Variants in RPTOR observed in about 807,000 individuals in gnomAD.
The protein encoded by RPTOR is regulatory associated protein of MTOR complex 1, also known as regulatory-associated protein of mTOR.
In RPTOR, 21 loss-of-function variants were observed where a neutral mutation model predicts 169.9. The ratio of observed to expected loss-of-function variants is 0.12; its 90% CI spans 0.09 to 0.18. The LOEUF (loss-of-function observed/expected upper bound fraction) is 0.18. Ranked by LOEUF, RPTOR falls within the 10% of genes least tolerant of loss-of-function variation. The pLI is 1.00. For synonymous variants in RPTOR, 732 were observed against 753.2 expected (o/e 0.97, Z 0.46); for missense variants, 1,133 against 1,855.9 (o/e 0.61, Z 7.16).
rs1274605729 is a variant in RPTOR at position 80,966,309 on chromosome 17, ACG to A, written c.*1980_*1981del. 1 of 231,592 alleles carries A rather than the reference ACG, an allele frequency of 4.3e-6. No homozygotes were observed. The highest frequency in any genetic ancestry group is 2.2e-5 in the African/African-American group (1 of 45,248). 14.3% of individuals were successfully genotyped at this position (231,592 alleles called of 1,614,324 possible). On this transcript the variant is annotated 3_prime_UTR_variant, in exon 34 of 34. Coordinates refer to ENST00000306801, the MANE Select transcript of RPTOR (RefSeq NM_020761.3). ...GAATTGAGACGGACTTTGACAAAAC[ACG>A]AAATGGTAATGTGAAGCTAAGAGCA... is the stretch of plus-strand genomic sequence containing the variant.
intron 1 of RPTOR, among the ~76,000 whole-genome samples, chr17:80,572,413 T>TAA (rs11424634): frequency 7.2e-4 from 109 of 151,064 alleles, no homozygotes; most frequent in African/African-American, 2.4e-3. Context: ...CTTCTTTTTT[T>TAA]TAAAAAAATG....
At chr17:80,617,661 T>G (rs1022647961) in intron 1 of RPTOR, among the ~76,000 whole-genome samples, 1 of 152,224 alleles carries the variant, frequency 6.6e-6, no homozygotes, top group Non-Finnish European at 1.5e-5. Context: ...TTATTTTCAC[T>G]TTTTCTTTTT....
intron 6 of RPTOR, among the ~76,000 whole-genome samples, chr17:80,769,278 G>A (rs149929315): frequency 4.6e-5 from 7 of 152,320 alleles, no homozygotes; most frequent in Non-Finnish European, 1.0e-4. Context: ...TTGGTTTCTC[G>A]TTATTTGTAC....
At chr17:80,561,283 ATATATT>A (rs2084490352) in intron 1 of RPTOR, among the ~76,000 whole-genome samples, 1 of 121,298 alleles carries the variant, frequency 8.2e-6, no homozygotes, top group Non-Finnish European at 1.8e-5. Context: ...ATATATATAT[ATATATT>A]TAGTAGAGAT....
chr17:80,918,634 C>T (rs2068708852), intron 21 of RPTOR, among the ~76,000 whole-genome samples: 1 of 152,196 alleles, frequency 6.6e-6, no homozygotes. Context: ...TTGCCCTGAG[C>T]CCCATTCTAG....
intron 14 of RPTOR, among the ~76,000 whole-genome samples, chr17:80,883,148 G>A (rs557151110): frequency 7.9e-5 from 12 of 152,322 alleles, no homozygotes; most frequent in South Asian, 6.2e-4. Flanking sequence ...GACAGAGGAG[G>A]CATCCACCAG....
rs1318900120 is a variant in RPTOR at position 80,947,971 on chromosome 17, G to C, written c.3265+620G>C. ...CATCTTCACTTTGGAACAATCGTTT[G>C]TTTCCATGTCAGTTACCCCACGTTG... On this transcript the variant is annotated intron_variant, in intron 27 of 33. Coordinates refer to ENST00000306801, the MANE Select transcript of RPTOR (RefSeq NM_020761.3). This position sits in a 1 kb window ranked among gnomAD's most constrained non-coding sequence, Gnocchi z 4.4. Among the ~76,000 whole-genome samples the C allele has an allele frequency of 2.0e-5, 3 of 152,236 alleles. No homozygotes were observed. In the East Asian group the frequency reaches 5.8e-4, roughly 29 times the overall value.
rs113778387 is a variant in RPTOR at position 80,924,582 on chromosome 17, C to T, written c.2809-788C>T. Among the ~76,000 whole-genome samples, 901 of 152,202 alleles carry T rather than the reference C, an allele frequency of 5.9e-3. 6 individuals are homozygous for T. Among genetic ancestry groups the T allele is most frequent in the African/African-American group, 0.021 (853 of 41,508 alleles). On this transcript the variant is annotated intron_variant, in intron 23 of 33. Coordinates refer to ENST00000306801, the MANE Select transcript of RPTOR (RefSeq NM_020761.3). ...GCAGAGGAGGAGCGAGAATCACCAC[C>T]GAGCCCCAAGTGCAGGGTCAGCCTC...
intron 26 of RPTOR, among the ~76,000 whole-genome samples, chr17:80,946,982 CTCTT>C (rs1301086672): frequency 6.6e-6 from 1 of 151,938 alleles, no homozygotes; most frequent in Non-Finnish European, 1.5e-5. Flanking sequence ...CTATTATTCT[CTCTT>C]TGTTTGTTTG....
chr17:80,830,148 G>A (rs2067487280), intron 9 of RPTOR, among the ~76,000 whole-genome samples: 3 of 152,168 alleles, frequency 2.0e-5, no homozygotes, highest in South Asian at 2.1e-4. Context: ...CACGCTATAG[G>A]TGTACACAGA....
intron 9 of RPTOR, among the ~76,000 whole-genome samples, chr17:80,829,373 G>T (rs2067478660): frequency 6.6e-6 from 1 of 152,206 alleles, no homozygotes; most frequent in Non-Finnish European, 1.5e-5. Flanking sequence ...TCCAACCGGG[G>T]CTCTGCGGGG....
chr17:80,632,914 C>G (rs1397914247), intron 2 of RPTOR, among the ~76,000 whole-genome samples: 1 of 152,162 alleles, frequency 6.6e-6, no homozygotes, highest in Non-Finnish European at 1.5e-5. Context: ...AAGCCATCCT[C>G]CTCCCTCAGC....
intron 26 of RPTOR, among the ~76,000 whole-genome samples, chr17:80,946,278 CTG>C (rs1250614298): frequency 6.6e-6 from 1 of 152,238 alleles, no homozygotes; most frequent in African/African-American, 2.4e-5. Flanking sequence ...TATAAAATCT[CTG>C]TGGTTCACAC....
At chr17:80,742,609 C>T (rs1299804936) in intron 5 of RPTOR, among the ~76,000 whole-genome samples, 3 of 151,202 alleles carry the variant, frequency 2.0e-5, no homozygotes, top group African/African-American at 7.3e-5. Context: ...TGCATAGATG[C>T]CACACACATA....
At chr17:80,888,573 C>T (rs1443525039) in intron 17 of RPTOR, among the ~76,000 whole-genome samples, 1 of 152,172 alleles carries the variant, frequency 6.6e-6, no homozygotes, top group Non-Finnish European at 1.5e-5. Context: ...TCAGTGCAGC[C>T]GTGTCAACAC....
chr17:80,673,598 G>A (rs1262965041), intron 3 of RPTOR, among the ~76,000 whole-genome samples: 1 of 152,216 alleles, frequency 6.6e-6, no homozygotes, highest in Non-Finnish European at 1.5e-5. Flanking sequence ...CTGTCATCCA[G>A]ATTGCTCTTG....
At chr17:80,684,505 T>C (rs35306850) in intron 3 of RPTOR, among the ~76,000 whole-genome samples, 26,359 of 151,210 alleles carry the variant, frequency 0.17, 3,717 homozygotes, top group African/African-American at 0.39. Context: ...GTTGCAGTGG[T>C]GTGATCTCGG....
intron 6 of RPTOR, among the ~76,000 whole-genome samples, chr17:80,770,125 G>A (rs74001016): frequency 0.019 from 2,846 of 152,302 alleles, 98 homozygotes; most frequent in African/African-American, 0.065. Context: ...ATTCGAGGTG[G>A]CGTCTTTTCC....
intron 1 of RPTOR, among the ~76,000 whole-genome samples, chr17:80,614,581 A>T (rs1185881570): frequency 1.3e-5 from 2 of 152,192 alleles, no homozygotes; most frequent in Non-Finnish European, 2.9e-5. Context: ...TGTTTCTCTC[A>T]ACTTCATGAG....
Sources: allele counts gnomAD v4.1 joint callset (sites outside exome capture counted in the v4.1 genomes callset), GRCh38; gene constraint gnomAD v4.1.1; non-coding constraint Gnocchi (gnomAD v3.1); transcripts MANE v1.5; gene names NCBI Gene and HGNC (gene_info 2026-07-23, HGNC 2026-07-21).